Variants in DIAPH2 observed in about 807,000 individuals in gnomAD.
DIAPH2 encodes protein diaphanous homolog 2.
In DIAPH2, 35 loss-of-function variants were observed where a neutral mutation model predicts 92.7. The ratio of observed to expected loss-of-function variants is 0.38; its 90% CI spans 0.29 to 0.50. The LOEUF (loss-of-function observed/expected upper bound fraction) is 0.50, where lower values mean the gene tolerates loss of function less well. Among genes scored for constraint, DIAPH2 ranks in the 20% least tolerant of loss-of-function variants. The pLI is 0.94. For synonymous variants in DIAPH2, 301 were observed against 280.4 expected (o/e 1.07, Z -0.73); for missense variants, 701 against 819.5 (o/e 0.86, Z 1.77).
chrX:97,447,810 C>T (rs1364050174), intron 26 of DIAPH2, among the ~76,000 whole-genome samples: 1 of 111,939 alleles, frequency 8.9e-6, no homozygotes, highest in African/African-American at 3.3e-5. Flanking sequence ...GCGTGTGGGG[C>T]AGAGAATGGC....
chrX:96,888,752 A>C (rs757726343), intron 5 of DIAPH2, among the ~76,000 whole-genome samples: 2 of 107,695 alleles, frequency 1.9e-5, no homozygotes, highest in South Asian at 8.0e-4. Flanking sequence ...AAATGTACAT[A>C]TACAATCAGG....
At chrX:97,575,912 T>A (rs1209319782) in intron 26 of DIAPH2, among the ~76,000 whole-genome samples, 2 of 112,099 alleles carry the variant, frequency 1.8e-5, no homozygotes, top group African/African-American at 6.5e-5. Flanking sequence ...CCAAACTGTG[T>A]CTGTCTGCAC....
At chrX:96,856,736 G>T (rs1289355573) in intron 4 of DIAPH2, among the ~76,000 whole-genome samples, 1 of 108,840 alleles carries the variant, frequency 9.2e-6, no homozygotes, top group African/African-American at 3.3e-5. Context: ...GGAAACCCAA[G>T]AAAAAAAAAT....
intron 10 of DIAPH2, 130 bp from the exon 11 acceptor site, chrX:96,937,103 C>A (rs1251627902): frequency 2.9e-6 from 1 of 343,290 alleles, no homozygotes; most frequent in East Asian, 4.6e-5. Context: ...TTCAGAAAAC[C>A]AAGTGCCCGC....
chrX:97,222,800 G>T (rs1036581901), intron 22 of DIAPH2, among the ~76,000 whole-genome samples: 1 of 111,252 alleles, frequency 9.0e-6, no homozygotes, highest in Non-Finnish European at 1.9e-5. Flanking sequence ...GGAGATTATA[G>T]TTTGGTTTGT....
chrX:97,157,591 A>C (rs1170836039), intron 22 of DIAPH2, among the ~76,000 whole-genome samples: 2 of 89,500 alleles, frequency 2.2e-5, no homozygotes, highest in Non-Finnish European at 4.7e-5. Flanking sequence ...GGAATGTCCT[A>C]CTCTGTCTAT....
intron 22 of DIAPH2, among the ~76,000 whole-genome samples, chrX:97,152,823 C>T (rs1819344920): frequency 8.9e-6 from 1 of 112,539 alleles, no homozygotes; most frequent in South Asian, 3.7e-4. Flanking sequence ...TTGGGGGACA[C>T]ATTCAAACAA....
chrX:96,949,082 T>C, intron 15 of DIAPH2, 43 bp downstream of exon 15: 1 of 900,956 alleles, frequency 1.1e-6, no homozygotes, highest in East Asian at 3.3e-5. Context: ...TCACAATGAG[T>C]TTGATGGTAG....
chrX:97,187,280 C>CTTTTTTTTTTTTT (rs1569323905), intron 22 of DIAPH2, among the ~76,000 whole-genome samples: 13 of 10,213 alleles, frequency 1.3e-3, no homozygotes, highest in African/African-American at 1.5e-3. Context: ...AATTAAGTAG[C>CTTTTTTTTTTTTT]CTTTTTTTTT....
At chrX:97,018,567 G>A (rs1392401948) in intron 17 of DIAPH2, among the ~76,000 whole-genome samples, 1 of 111,822 alleles carries the variant, frequency 8.9e-6, no homozygotes, top group Admixed American at 9.5e-5. Flanking sequence ...AGCTTAATTA[G>A]CCATTCACGA....
intron 26 of DIAPH2, among the ~76,000 whole-genome samples, chrX:97,588,657 T>C (rs2071494545): frequency 9.0e-6 from 1 of 110,706 alleles, no homozygotes; most frequent in Non-Finnish European, 1.9e-5. Flanking sequence ...GAAATACCTT[T>C]ATAAATGATA....
At chrX:97,489,941 T>C (rs954333088) in intron 26 of DIAPH2, among the ~76,000 whole-genome samples, 1 of 111,872 alleles carries the variant, frequency 8.9e-6, no homozygotes, top group Non-Finnish European at 1.9e-5. Context: ...ACTGGCTTGA[T>C]TGAATGAGTT....
intron 25 of DIAPH2, among the ~76,000 whole-genome samples, chrX:97,392,487 CAG>C (rs1403685335): frequency 1.8e-5 from 2 of 111,698 alleles, no homozygotes; most frequent in Non-Finnish European, 3.8e-5. Flanking sequence ...AAAGGGAAAT[CAG>C]TGAGGTCTGG....
chrX:97,124,381 T>C (rs747789160), intron 21 of DIAPH2, among the ~76,000 whole-genome samples: 1 of 112,381 alleles, frequency 8.9e-6, no homozygotes, highest in South Asian at 3.7e-4. Flanking sequence ...TATTCATTAA[T>C]TTACATTCAT....
intron 24 of DIAPH2, among the ~76,000 whole-genome samples, chrX:97,369,811 T>C (rs747585681): frequency 8.9e-6 from 1 of 111,739 alleles, no homozygotes; most frequent in East Asian, 2.8e-4. Context: ...AAAACCATCT[T>C]AATCTACTTC....
At chrX:97,572,509 G>C (rs957633005) in intron 26 of DIAPH2, among the ~76,000 whole-genome samples, 7 of 111,542 alleles carry the variant, frequency 6.3e-5, no homozygotes, top group Non-Finnish European at 1.1e-4. Context: ...ATAGCTTGCT[G>C]TTATGCCACT....
chrX:96,892,092 G>A (rs771033078), intron 5 of DIAPH2, among the ~76,000 whole-genome samples: 4 of 111,798 alleles, frequency 3.6e-5, no homozygotes, highest in African/African-American at 9.7e-5. Context: ...TGAATTGTAG[G>A]TCTTAATAAG....
chrX:97,414,471 A>G (rs1012362717), intron 25 of DIAPH2, among the ~76,000 whole-genome samples: 4 of 110,261 alleles, frequency 3.6e-5, no homozygotes, highest in Non-Finnish European at 7.6e-5. Context: ...TAACATGGTG[A>G]AACCCTGTCT....
chrX:96,930,770 C>A lies in DIAPH2; in HGVS notation c.1016C>A (p.Ser339Tyr), dbSNP rs1168751438. 8.3e-7 allele frequency: 1 copy of A among 1,203,852 alleles called. No homozygotes were observed. The highest frequency in any genetic ancestry group is 1.1e-6 in the Non-Finnish European group (1 of 892,199). Reference protein sequence around the residue: ...CMQFINALVTSPYELDFRIHL... With the variant: ...CMQFINALVTYPYELDFRIHL... ...CAGTTTATAAATGCCCTTGTCACTT[C>A]TCCTTATGAGCTTGATTTTCGAATA... Residue 339 changes from serine to tyrosine, a missense_variant, in exon 10 of 27, where the codon TCT becomes TAT. Ser to Tyr is a moderately radical substitution (Grantham distance 144, BLOSUM62 -2). Around this residue, in one of 3 missense-constraint regions of DIAPH2, gnomAD observed 536 missense variants for 599.3 expected, o/e 0.89. Coordinates refer to ENST00000324765, the MANE Select transcript of DIAPH2 (RefSeq NM_006729.5).
Sources: allele counts gnomAD v4.1 joint callset (sites outside exome capture counted in the v4.1 genomes callset), GRCh38; gene constraint gnomAD v4.1.1; regional missense constraint gnomAD v4.1.1; transcripts MANE v1.5; gene names NCBI Gene and HGNC (gene_info 2026-07-23, HGNC 2026-07-21).